The following SNX7 variants were observed in gnomAD, a reference collection of about 807,000 sequenced individuals.
The protein encoded by SNX7 is sorting nexin-7.
In SNX7, 35 loss-of-function variants were observed where a neutral mutation model predicts 48.4. The observed-to-expected ratio is 0.72, with a 90% confidence interval of 0.55 to 0.96. SNX7 has a LOEUF of 0.96. Among genes scored for constraint, SNX7 ranks in the 40% least tolerant of loss-of-function variants. The pLI is 0.00. For missense variants in SNX7, 553 were observed against 548.9 expected, an observed-to-expected ratio of 1.01 and a Z score of -0.07; for synonymous variants, 190 against 190.2, an observed-to-expected ratio of 1.00 and a Z score of 0.01.
At chr1:98,749,078 G>T (rs1213188706) in intron 8 of SNX7, among the ~76,000 whole-genome samples, 1 of 152,108 alleles carries the variant, frequency 6.6e-6, no homozygotes, top group East Asian at 1.9e-4. Flanking sequence ...TCATGTAATT[G>T]GCTTAGCTGT....
chr1:98,661,719 G>A (rs1366249413), upstream of SNX7: 7 of 1,216,518 alleles, frequency 5.8e-6, no homozygotes, highest in Non-Finnish European at 7.2e-6. Flanking sequence ...CCGGCTGGGC[G>A]CGCACTCTCG....
chr1:98,755,146 C>G (rs1300345827), intron 8 of SNX7, among the ~76,000 whole-genome samples: 1 of 152,082 alleles, frequency 6.6e-6, no homozygotes, highest in Admixed American at 6.5e-5. Context: ...TAATTTAATT[C>G]CATTATGTTC....
At chr1:98,706,827 G>A (rs1461936632) in intron 7 of SNX7, among the ~76,000 whole-genome samples, 1 of 152,100 alleles carries the variant, frequency 6.6e-6, no homozygotes, top group Non-Finnish European at 1.5e-5. Context: ...TTTAGACAGA[G>A]CAACTGGAAG....
chr1:98,685,031 A>G lies in SNX7; in HGVS notation c.327A>G (p.Thr109=). Residue 109 remains threonine, a synonymous_variant, in exon 2 of 9, where the codon ACA becomes ACG. Coordinates refer to ENST00000306121, the MANE Select transcript of SNX7 (RefSeq NM_015976.5). ...ATGAACCTGAAAGTCATGTTACTAC[A>G]ATAGAAACTTTCATTACGTATAGGA... ...TVDEPESHVT[T]IETFITYRII... 1.3e-6 allele frequency: 2 copies of G among 1,572,524 alleles called. No individual in the cohort carries two copies. The highest frequency in any genetic ancestry group is 1.2e-5 in the South Asian group (1 of 82,014).
chr1:98,719,323 C>T (rs1482681249), intron 7 of SNX7, among the ~76,000 whole-genome samples: 2 of 152,094 alleles, frequency 1.3e-5, no homozygotes, highest in Non-Finnish European at 2.9e-5. Flanking sequence ...TTTACATTCT[C>T]ACCAGCTGGC....
intron 8 of SNX7, among the ~76,000 whole-genome samples, chr1:98,752,118 C>G (rs1372323780): frequency 6.6e-6 from 1 of 152,028 alleles, no homozygotes; most frequent in Non-Finnish European, 1.5e-5. Context: ...AAGTCTCACA[C>G]CAGGTTTTGA....
At chr1:98,704,510 A>G (rs1651918183) in intron 7 of SNX7, among the ~76,000 whole-genome samples, 1 of 152,118 alleles carries the variant, frequency 6.6e-6, no homozygotes, top group Admixed American at 6.6e-5. Context: ...TCTTCAGGAG[A>G]AATCTACCAG....
intron 5 of SNX7, among the ~76,000 whole-genome samples, chr1:98,696,113 C>T (rs1002098004): frequency 2.6e-5 from 4 of 151,174 alleles, no homozygotes; most frequent in Non-Finnish European, 5.9e-5. Flanking sequence ...TTAAACCTGT[C>T]GAAGTATGGC....
chr1:98,691,738 G>T (rs763314420), intron 4 of SNX7, 39 bp downstream of exon 4: 7 of 1,486,458 alleles, frequency 4.7e-6, no homozygotes, highest in Non-Finnish European at 6.4e-6. Flanking sequence ...ATCTTTGGGT[G>T]TCTGTATCTA....
At chr1:98,724,214 C>A (rs1470135210) in intron 7 of SNX7, among the ~76,000 whole-genome samples, 2 of 151,958 alleles carry the variant, frequency 1.3e-5, no homozygotes, top group Non-Finnish European at 2.9e-5. Context: ...TTTCTTGTGG[C>A]AACTTACACT....
At chr1:98,720,937 A>G (rs1263801486) in intron 7 of SNX7, among the ~76,000 whole-genome samples, 1 of 152,136 alleles carries the variant, frequency 6.6e-6, no homozygotes, top group Non-Finnish European at 1.5e-5. Context: ...CATCAGGGGA[A>G]TTCACCTGAT....
chr1:98,734,328 A>G (rs1653667842), intron 7 of SNX7, among the ~76,000 whole-genome samples: 1 of 151,982 alleles, frequency 6.6e-6, no homozygotes, highest in South Asian at 2.1e-4. Flanking sequence ...GTGTATCTGT[A>G]TCTAATTGAT....
intron 1 of SNX7, among the ~76,000 whole-genome samples, chr1:98,676,639 T>C (rs1198038903): frequency 6.6e-6 from 1 of 152,248 alleles, no homozygotes; most frequent in Non-Finnish European, 1.5e-5. Context: ...GTATTATCGA[T>C]GCTTCAAAAG....
chr1:98,708,564 C>T (rs1652135322), intron 7 of SNX7, among the ~76,000 whole-genome samples: 1 of 152,090 alleles, frequency 6.6e-6, no homozygotes, highest in Non-Finnish European at 1.5e-5. Context: ...GACAGTGCAG[C>T]AGGGTAGTGG....
In SNX7 at chr1:98,664,048, C is replaced by G. The variant is rs189401292; in HGVS notation, c.180+2137C>G. 2.2e-3 allele frequency among the ~76,000 whole-genome samples: 341 copies of G among 152,316 alleles called. 1 individual carries two copies. The highest frequency in any genetic ancestry group is 3.6e-3 in the Non-Finnish European group (244 of 68,034). On this transcript the variant is annotated intron_variant, in intron 1 of 8. Transcript: ENST00000306121. ...CGTGGCCTTCCCTTTCCACTACCTT[C>G]CTTGCCTGCTCCTCTATAAAACAAA...
Position 98,661,748 on chromosome 1 carries a change from G to C in SNX7, c.17G>C (p.Arg6Pro). 5 of 1,234,688 alleles carry C rather than the reference G, an allele frequency of 4.0e-6. No individual in the cohort carries two copies. Among genetic ancestry groups the C allele is most frequent in the East Asian group, 3.2e-5 (1 of 31,296 alleles). The allele number at this position is 1,234,688 out of a possible 1,614,324, so 76.5% of individuals were successfully genotyped here. Residue 6 changes from arginine to proline, a missense_variant, in exon 1 of 9, where the codon CGG becomes CCG. Coordinates refer to ENST00000306121, the MANE Select transcript of SNX7 (RefSeq NM_015976.5). MEGERRASQAPSSGLP... is the reference protein window; with the variant it reads MEGERPASQAPSSGLP... Reference sequence around the variant, plus strand: ...ACTCTCGGGATGGAGGGCGAGCGCCGGGCATCGCAGGCGCCCTCCTCGGGC... The same window carrying C: ...ACTCTCGGGATGGAGGGCGAGCGCCCGGCATCGCAGGCGCCCTCCTCGGGC...
chr1:98,685,308 T>G (rs1485958218), intron 2 of SNX7, among the ~76,000 whole-genome samples: 1 of 152,178 alleles, frequency 6.6e-6, no homozygotes, highest in Admixed American at 6.5e-5. Context: ...CTATACTTCT[T>G]AGAATAAGAA....
At chr1:98,732,297 A>G (rs1653554278) in intron 7 of SNX7, among the ~76,000 whole-genome samples, 1 of 152,158 alleles carries the variant, frequency 6.6e-6, no homozygotes, top group Non-Finnish European at 1.5e-5. Context: ...GGAATCACAG[A>G]AACAGTCTAT....
rs187537345 is a variant in SNX7, at chr1:98,667,910, A to G, written c.180+5999A>G. ...GGGCCTTACCATTTTGATGATTAGG[A>G]AAAAAAAAACAAAAAAAACAAAACA... On this transcript the variant is annotated intron_variant, in intron 1 of 8. Coordinates refer to ENST00000306121, the MANE Select transcript of SNX7 (RefSeq NM_015976.5). Among the ~76,000 whole-genome samples the G allele has an allele frequency of 2.4e-3, 371 of 151,444 alleles. 3 individuals carry two copies. Among genetic ancestry groups the G allele is most frequent in the Non-Finnish European group, 2.7e-3 (181 of 67,804 alleles).
Sources: allele counts gnomAD v4.1 joint callset (sites outside exome capture counted in the v4.1 genomes callset), GRCh38; gene constraint gnomAD v4.1.1; transcripts MANE v1.5; gene names NCBI Gene and HGNC (gene_info 2026-07-23, HGNC 2026-07-21).